MINDY4: variants seen among roughly 807,000 people sequenced by gnomAD.
The protein encoded by MINDY4 is probable ubiquitin carboxyl-terminal hydrolase MINDY-4.
In MINDY4, 68 loss-of-function variants were observed where a neutral mutation model predicts 87.0. The ratio of observed to expected loss-of-function variants is 0.78; its 90% confidence interval spans 0.64 to 0.96. MINDY4 has a LOEUF of 0.96. Among genes scored for constraint, MINDY4 ranks in the 40% least tolerant of loss-of-function variants. The probability of loss-of-function intolerance (pLI) is 0.00; values close to 1 mark genes in which losing one functional copy is unlikely to be tolerated. For synonymous variants in MINDY4, 379 were observed against 363.2 expected (o/e 1.04, Z -0.50); for missense variants, 919 against 928.2 (o/e 0.99, Z 0.13).
intron 14 of MINDY4, among the ~76,000 whole-genome samples, chr7:30,874,708 C>T (rs926343025): frequency 6.6e-6 from 1 of 152,212 alleles, no homozygotes; most frequent in Admixed American, 6.5e-5. Flanking sequence ...TTCCTACTCC[C>T]ACCTCTCTGC....
At chr7:30,810,800 A>C (rs903464927) in intron 5 of MINDY4, among the ~76,000 whole-genome samples, 5 of 152,222 alleles carry the variant, frequency 3.3e-5, no homozygotes, top group Admixed American at 2.0e-4. Flanking sequence ...TATAAGAAGC[A>C]TTACTAAATA....
chr7:30,833,318 G>A (rs1385475052), intron 6 of MINDY4, among the ~76,000 whole-genome samples: 1 of 152,230 alleles, frequency 6.6e-6, no homozygotes, highest in Admixed American at 6.5e-5. Context: ...GCAAGGAGGA[G>A]CAAGTCACAT....
intron 4 of MINDY4, among the ~76,000 whole-genome samples, chr7:30,789,754 T>G (rs931812146): frequency 6.6e-6 from 1 of 152,200 alleles, no homozygotes; most frequent in Non-Finnish European, 1.5e-5. Flanking sequence ...TTTCTGGAAA[T>G]ATTGAGAGGT....
At chr7:30,771,960 A>T (rs1786652748) in intron 1 of MINDY4, among the ~76,000 whole-genome samples, 1 of 152,242 alleles carries the variant, frequency 6.6e-6, no homozygotes, top group East Asian at 1.9e-4. Flanking sequence ...CTCGGAAAGA[A>T]CTTCTCCCAG....
chr7:30,771,616 G>T (rs1786637414), intron 1 of MINDY4, 60 bp downstream of exon 1: 3 of 1,524,070 alleles, frequency 2.0e-6, no homozygotes, highest in Non-Finnish European at 2.7e-6. Flanking sequence ...GATCATCGGG[G>T]TCTCCCCTGA....
At chr7:30,853,499 A>T in intron 12 of MINDY4, 40 bp downstream of exon 12, 1 of 1,504,276 alleles carries the variant, frequency 6.6e-7, no homozygotes. Flanking sequence ...GTGCGTCACT[A>T]AGCCTTCTGA....
At chr7:30,811,125 TG>T (rs1201335242) in intron 5 of MINDY4, among the ~76,000 whole-genome samples, 3 of 148,590 alleles carry the variant, frequency 2.0e-5, no homozygotes, top group Non-Finnish European at 1.5e-5. Context: ...TACCTTGTGC[TG>T]CTAACCACCG....
chr7:30,789,209 C>T (rs900276411), intron 4 of MINDY4, among the ~76,000 whole-genome samples: 2 of 152,140 alleles, frequency 1.3e-5, no homozygotes, highest in African/African-American at 4.8e-5. Flanking sequence ...CTTAGCATGA[C>T]GTCCTGATCA....
chr7:30,854,641 G>A (rs60168018), intron 12 of MINDY4, among the ~76,000 whole-genome samples: 4,433 of 152,262 alleles, frequency 0.029, 112 homozygotes, highest in East Asian at 0.11. Flanking sequence ...TGGAGGGTTT[G>A]GTGGTAAGCC....
intron 5 of MINDY4, among the ~76,000 whole-genome samples, chr7:30,804,365 A>C (rs548823199): frequency 6.6e-6 from 1 of 152,330 alleles, no homozygotes; most frequent in Non-Finnish European, 1.5e-5. Context: ...GCCTTTTCCC[A>C]ATAAAGTAAA....
At chr7:30,882,670 G>C (rs1339428769) in intron 16 of MINDY4, among the ~76,000 whole-genome samples, 1 of 152,220 alleles carries the variant, frequency 6.6e-6, no homozygotes, top group Non-Finnish European at 1.5e-5. Context: ...GCCATGGAAG[G>C]TTTTGGAATC....
At chr7:30,888,367 T>C (rs10267678) in intron 17 of MINDY4, among the ~76,000 whole-genome samples, 46,663 of 152,074 alleles carry the variant, frequency 0.31, 11,429 homozygotes, top group African/African-American at 0.68. Flanking sequence ...AAACATTTCA[T>C]AATGCACACC....
At chr7:30,836,487 C>A (rs145749881) in intron 6 of MINDY4, among the ~76,000 whole-genome samples, 171 bp from the exon 7 acceptor site, 122 of 152,336 alleles carry the variant, frequency 8.0e-4, no homozygotes, top group Admixed American at 2.3e-3. Flanking sequence ...TTTCCTTCCG[C>A]TAAGGGTCTG....
intron 9 of MINDY4, 119 bp from the exon 10 acceptor site, chr7:30,850,335 C>G (rs1789371360): frequency 1.1e-6 from 1 of 928,140 alleles, no homozygotes; most frequent in Admixed American, 2.1e-5. Flanking sequence ...GGCCCCTCTG[C>G]AGGCCAGAGA....
At position 30,785,761 on chromosome 7, in the gene MINDY4, T is replaced by C. The variant is rs757061997; in HGVS notation, c.432T>C (p.Leu144=). The C allele has an allele frequency of 3.1e-6, 5 of 1,614,086 alleles. No individual in the cohort carries two copies. In the South Asian group the frequency reaches 4.4e-5, roughly 14 times the overall value. Residue 144 remains leucine (L), a synonymous_variant, in exon 4 of 18, where the codon CTT becomes CTC. Transcript: ENST00000265299. ...SETSKARHDN[L]DGDVLGNFVS... is the part of the protein sequence containing the mutation. ...TCCTTTTTCACAGACATGACAATCT[T>C]GATGGAGATGTACTTGGTAATTTTG...
chr7:30,881,322 CTG>C (rs1440176825), intron 15 of MINDY4, among the ~76,000 whole-genome samples: 2 of 152,222 alleles, frequency 1.3e-5, no homozygotes, highest in African/African-American at 2.4e-5. Context: ...GCTTATTCCT[CTG>C]TGTCTTCTTC....
intron 16 of MINDY4, 131 bp downstream of exon 16, chr7:30,882,492 T>C: frequency 1.2e-6 from 1 of 850,364 alleles, no homozygotes; most frequent in East Asian, 2.8e-5. Flanking sequence ...GCATCCAGAC[T>C]GGGGGATCAG....
chr7:30,820,144 G>A (rs999561978), intron 5 of MINDY4, among the ~76,000 whole-genome samples: 8 of 151,430 alleles, frequency 5.3e-5, no homozygotes, highest in Admixed American at 1.3e-4. Flanking sequence ...CTCGTGATCC[G>A]CCCGCCTCGG....
At chr7:30,875,469 GTCTT>G (rs776360027) in intron 14 of MINDY4, 22 bp from the exon 15 acceptor site, 24 of 1,613,542 alleles carry the variant, frequency 1.5e-5, no homozygotes, top group Non-Finnish European at 2.0e-5. Context: ...GACTTGATGA[GTCTT>G]TCCCCTTTCT....
Sources: gnomAD v4.1 joint callset for allele counts (sites outside exome capture counted in the v4.1 genomes callset) on GRCh38, gnomAD v4.1.1 for gene constraint, MANE v1.5 for transcripts, NCBI Gene and HGNC (gene_info 2026-07-23, HGNC 2026-07-21) for gene names.